CTNNA3: variants seen among roughly 807,000 people sequenced by gnomAD.
CTNNA3 encodes catenin alpha-3.
CTNNA3 carries 76 observed loss-of-function variants against 95.7 expected under a neutral mutation model. The observed-to-expected ratio is 0.79, with a 90% CI of 0.66 to 0.96. The LOEUF (loss-of-function observed/expected upper bound fraction) is 0.96. Among genes scored for constraint, CTNNA3 ranks in the 40% least tolerant of loss-of-function variants. The pLI, the probability that CTNNA3 is intolerant of heterozygous loss-of-function variation, is 0.00. For synonymous variants in CTNNA3, 431 were observed against 374.4 expected (o/e 1.15, Z -1.74); for missense variants, 1,191 against 1,089.8 (o/e 1.09, Z -1.31).
intron 1 of CTNNA3, among the ~76,000 whole-genome samples, chr10:67,740,586 A>G (rs1231509196): frequency 6.6e-6 from 1 of 151,566 alleles, no homozygotes; most frequent in Non-Finnish European, 1.5e-5. Context: ...CATCACAGAA[A>G]TGCAAATCAA....
chr10:67,411,316 A>G (rs1397262192), intron 5 of CTNNA3, among the ~76,000 whole-genome samples: 1 of 152,164 alleles, frequency 6.6e-6, no homozygotes. Context: ...TGCCATAAAT[A>G]TATACAATTT....
At chr10:66,164,766 CTAA>C (rs1158247852) in intron 13 of CTNNA3, among the ~76,000 whole-genome samples, 3 of 151,986 alleles carry the variant, frequency 2.0e-5, no homozygotes, top group South Asian at 2.1e-4. Context: ...AGATTCTTAC[CTAA>C]TAATATCAAT....
intron 9 of CTNNA3, among the ~76,000 whole-genome samples, chr10:66,629,308 A>G (rs1200040776): frequency 6.6e-6 from 1 of 152,106 alleles, no homozygotes; most frequent in Non-Finnish European, 1.5e-5. Flanking sequence ...CTCAAGGCAG[A>G]GAGCTACAGG....
At chr10:66,394,762 C>T (rs1407304903) in intron 11 of CTNNA3, among the ~76,000 whole-genome samples, 1 of 151,874 alleles carries the variant, frequency 6.6e-6, no homozygotes, top group African/African-American at 2.4e-5. Flanking sequence ...GGGTATTATT[C>T]CTTTCTCATA....
chr10:67,601,530 G>A (rs1843083974), intron 3 of CTNNA3, among the ~76,000 whole-genome samples: 1 of 152,114 alleles, frequency 6.6e-6, no homozygotes, highest in African/African-American at 2.4e-5. Context: ...ACCAGTACCG[G>A]TCCACGACCC....
rs374470444 is a variant in CTNNA3, at chr10:66,204,564, C to T, written c.1884+75906G>A. On this transcript the variant is annotated intron_variant, in intron 13 of 17. Coordinates refer to ENST00000433211, the MANE Select transcript of CTNNA3 (RefSeq NM_013266.4). ...TTCTGCCCCAGCCTTCAGCTCCAGA[C>T]GTGTATCTCCTCATAGGAATTAATA... Among the ~76,000 whole-genome samples, 16 of 152,260 alleles carry T rather than the reference C, an allele frequency of 1.1e-4. No homozygotes were observed. The East Asian group carries it at 2.3e-3, about 22-fold the overall frequency.
At chr10:67,223,773 A>G in intron 5 of CTNNA3, among the ~76,000 whole-genome samples, 1 of 152,234 alleles carries the variant, frequency 6.6e-6, no homozygotes, top group Admixed American at 6.5e-5. Context: ...TCGACTTTGC[A>G]TCAAGGCAGT....
At chr10:65,999,518 A>G (rs1036691573) in intron 15 of CTNNA3, among the ~76,000 whole-genome samples, 2 of 152,196 alleles carry the variant, frequency 1.3e-5, no homozygotes, top group Non-Finnish European at 2.9e-5. Context: ...ATGATAATAC[A>G]CTATGCCAAA....
intron 9 of CTNNA3, among the ~76,000 whole-genome samples, chr10:66,693,042 A>G (rs189821418): frequency 6.6e-6 from 1 of 152,316 alleles, no homozygotes; most frequent in African/African-American, 2.4e-5. Context: ...GGCTAGGAAG[A>G]AACTGCATCA....
chr10:67,488,030 T>G (rs1848510919), intron 5 of CTNNA3, among the ~76,000 whole-genome samples: 1 of 152,222 alleles, frequency 6.6e-6, no homozygotes. Context: ...TAGGGATTCA[T>G]GCATCTAAGT....
chr10:67,334,200 AT>A (rs1264484680), intron 5 of CTNNA3: 1 of 157,192 alleles, frequency 6.4e-6, no homozygotes, highest in Non-Finnish European at 1.4e-5. Flanking sequence ...AAGGTGGTGA[AT>A]CCCCTGTTTG....
chr10:66,666,417 T>G (rs983881397), intron 9 of CTNNA3, among the ~76,000 whole-genome samples: 2 of 152,200 alleles, frequency 1.3e-5, no homozygotes, highest in African/African-American at 4.8e-5. Flanking sequence ...CTTTGGATAC[T>G]TTGGATTAAA....
At chr10:67,372,149 T>C (rs1041242129) in intron 5 of CTNNA3, among the ~76,000 whole-genome samples, 2 of 152,156 alleles carry the variant, frequency 1.3e-5, no homozygotes, top group African/African-American at 4.8e-5. Context: ...ATGAGTAGAT[T>C]GCAAAAATTT....
chr10:66,037,241 T>C lies in CTNNA3; in HGVS notation c.2159+32067A>G, dbSNP rs148121603. Among the ~76,000 whole-genome samples the C allele has an allele frequency of 5.3e-3, 809 of 152,294 alleles. 3 individuals carry two copies. Among genetic ancestry groups the C allele is most frequent in the Non-Finnish European group, 8.1e-3 (554 of 68,028 alleles). On this transcript the variant is annotated intron_variant, in intron 15 of 17. Coordinates refer to ENST00000433211, the MANE Select transcript of CTNNA3 (RefSeq NM_013266.4). ...AAAATTCTAGATTTTTATAGAAAATTACTGCTTTAGAGCATTTTGCCCTTC... is the reference window on the plus strand; with the variant it reads ...AAAATTCTAGATTTTTATAGAAAATCACTGCTTTAGAGCATTTTGCCCTTC...
intron 3 of CTNNA3, among the ~76,000 whole-genome samples, chr10:67,576,658 C>A (rs1190717205): frequency 6.9e-6 from 1 of 144,288 alleles, no homozygotes; most frequent in East Asian, 2.1e-4. Flanking sequence ...CACCCATTAA[C>A]TTGTCATTTA....
intron 7 of CTNNA3, among the ~76,000 whole-genome samples, chr10:66,956,034 C>T (rs1351554151): frequency 6.6e-6 from 1 of 152,064 alleles, no homozygotes; most frequent in Admixed American, 6.6e-5. Context: ...CAGAAGCTGA[C>T]AAAAATATTA....
At chr10:67,170,098 A>G (rs1337829767) in intron 7 of CTNNA3, among the ~76,000 whole-genome samples, 1 of 152,226 alleles carries the variant, frequency 6.6e-6, no homozygotes, top group Admixed American at 6.5e-5. Context: ...CAAAATGGCT[A>G]TTACTAAAAA....
intron 7 of CTNNA3, chr10:67,097,672 C>T (rs1379422874): frequency 1.2e-6 from 2 of 1,612,612 alleles, no homozygotes; most frequent in Admixed American, 3.3e-5. Flanking sequence ...GAACTTCTCT[C>T]CCATAAGTCC....
intron 7 of CTNNA3, among the ~76,000 whole-genome samples, chr10:67,101,034 G>C (rs1858306649): frequency 6.6e-6 from 1 of 151,620 alleles, no homozygotes. Context: ...TAAAATATTA[G>C]CTAACTGAAT....
Sources: gnomAD v4.1 joint callset for allele counts (sites outside exome capture counted in the v4.1 genomes callset) on GRCh38, gnomAD v4.1.1 for gene constraint, MANE v1.5 for transcripts, NCBI Gene and HGNC (gene_info 2026-07-23, HGNC 2026-07-21) for gene names.